Variants in CLECL1 observed in about 807,000 individuals in gnomAD.
CLECL1 encodes the protein C-type lectin like 1, also known as C-type lectin-like domain family 1.
chr12:9,729,715 G>A (rs1204450937), intron 1 of CLECL1, among the ~76,000 whole-genome samples: 2 of 152,084 alleles, frequency 1.3e-5, no homozygotes, highest in South Asian at 2.1e-4. Flanking sequence ...AACCCAGCAG[G>A]TAGCTCCTTA....
At chr12:9,705,025 C>A in the CLECL1 span, among the ~76,000 whole-genome samples, 1 of 152,194 alleles carries the variant, frequency 6.6e-6, no homozygotes, top group African/African-American at 2.4e-5. Flanking sequence ...TACACTCCCA[C>A]CAACAACGTA....
At chr12:9,716,674 TAAG>T (rs1866242820) in exon 3 of CLECL1, 1 of 696,642 alleles carries the variant, frequency 1.4e-6, no homozygotes, top group Non-Finnish European at 2.0e-6. Context: ...GGCCTCTTCC[TAAG>T]AAGACCCCAG....
At chr12:9,718,869 G>A (rs1203008068), downstream of CLECL1, 5 of 616,898 alleles carry the variant, frequency 8.1e-6, no homozygotes, top group Non-Finnish European at 1.4e-5. Context: ...ATAAGTTTCT[G>A]TTGCTTTAGC....
chr12:9,731,867 C>T (rs888298556), intron 1 of CLECL1, among the ~76,000 whole-genome samples: 5 of 152,120 alleles, frequency 3.3e-5, no homozygotes, highest in African/African-American at 9.7e-5. Flanking sequence ...GGTTTTGTTG[C>T]TTAAACTGAG....
chr12:9,719,671 G>A (rs2121043615), downstream of CLECL1, among the ~76,000 whole-genome samples: 1 of 152,320 alleles, frequency 6.6e-6, no homozygotes, highest in Middle Eastern at 3.4e-3. Context: ...AGGAGTTCAA[G>A]TGGGCTATAA....
chr12:9,722,256 T>G (rs1288509144), downstream of CLECL1, among the ~76,000 whole-genome samples: 1 of 152,232 alleles, frequency 6.6e-6, no homozygotes, highest in African/African-American at 2.4e-5. Flanking sequence ...TAAGAGATAC[T>G]GTTCTGCCTT....
the CLECL1 span, among the ~76,000 whole-genome samples, chr12:9,705,182 T>C: frequency 4.6e-5 from 7 of 152,264 alleles, no homozygotes; most frequent in Admixed American, 3.3e-4. Context: ...CTTTTTTTCA[T>C]ATAATTGTTG....
At chr12:9,724,219 A>C (rs920167436) in intron 3 of CLECL1, among the ~76,000 whole-genome samples, 2 of 151,996 alleles carry the variant, frequency 1.3e-5, no homozygotes, top group Non-Finnish European at 2.9e-5. Context: ...AGAAAAAAAA[A>C]GAAAGGAAAA....
the CLECL1 span, among the ~76,000 whole-genome samples, chr12:9,705,128 T>C: frequency 2.0e-5 from 3 of 152,352 alleles, no homozygotes; most frequent in African/African-American, 7.2e-5. Context: ...TGGTGTCTCA[T>C]TGTGGTTTTG....
the CLECL1 span, among the ~76,000 whole-genome samples, chr12:9,704,817 G>A: frequency 6.6e-6 from 1 of 152,096 alleles, no homozygotes; most frequent in Non-Finnish European, 1.5e-5. Flanking sequence ...ATCGTTGATG[G>A]GCATTTAGGT....
chr12:9,722,701 T>C, exon 4 of CLECL1: 1 of 1,614,028 alleles, frequency 6.2e-7, no homozygotes, highest in Non-Finnish European at 8.5e-7. Context: ...CACAGTCATT[T>C]TGACTTTTGT....
downstream of CLECL1, among the ~76,000 whole-genome samples, chr12:9,711,981 T>C (rs1368532240): frequency 3.3e-5 from 5 of 152,200 alleles, no homozygotes; most frequent in African/African-American, 1.2e-4. Flanking sequence ...ATCGAATACA[T>C]CTTACTAGTT....
At chr12:9,731,581 G>A (rs1047588233) in intron 1 of CLECL1, among the ~76,000 whole-genome samples, 5 of 152,188 alleles carry the variant, frequency 3.3e-5, no homozygotes, top group African/African-American at 9.6e-5. Flanking sequence ...GCGAAGTGAC[G>A]CATGAGAACA....
intron 3 of CLECL1, among the ~76,000 whole-genome samples, chr12:9,724,054 G>A (rs1032661176): frequency 6.6e-6 from 1 of 151,902 alleles, no homozygotes; most frequent in African/African-American, 2.4e-5. Context: ...AGTCATGGTG[G>A]TGTGTGCCTG....
At chr12:9,733,136 C>T, upstream of CLECL1, 1 of 1,614,042 alleles carries the variant, frequency 6.2e-7, no homozygotes, top group Non-Finnish European at 8.5e-7. Context: ...TGGCAAATTT[C>T]CTTCTGCTCC....
At chr12:9,714,433 CAGTATAA>C (rs1280205401), downstream of CLECL1, among the ~76,000 whole-genome samples, 1 of 152,174 alleles carries the variant, frequency 6.6e-6, no homozygotes, top group African/African-American at 2.4e-5. Context: ...TCCACATATC[CAGTATAA>C]CCCAGTGGGG....
At chr12:9,722,948 G>T in intron 3 of CLECL1, 135 bp from the exon 2 acceptor site, 1 of 556,770 alleles carries the variant, frequency 1.8e-6, no homozygotes. Context: ...TTTGTTCCAG[G>T]GTACATTTGA....
chr12:9,728,780 C>T (rs779399587), intron 2 of CLECL1, among the ~76,000 whole-genome samples: 10 of 152,056 alleles, frequency 6.6e-5, no homozygotes, highest in African/African-American at 2.2e-4. Flanking sequence ...AGTTAAACCA[C>T]TTATCCCTCT....
At chr12:9,732,994 C>A (rs1205866613) in exon 1 of CLECL1, 1 of 1,612,380 alleles carries the variant, frequency 6.2e-7, no homozygotes, top group South Asian at 1.1e-5. Flanking sequence ...GAAGTCCGAA[C>A]AGTTTTGATG....
Sources: allele counts gnomAD v4.1 joint callset (sites outside exome capture counted in the v4.1 genomes callset), GRCh38; gene constraint gnomAD v4.1.1; transcripts MANE v1.5; gene names NCBI Gene and HGNC (gene_info 2026-07-23, HGNC 2026-07-21).